Variants in DST observed in about 807,000 individuals in gnomAD.
DST encodes the protein bullous pemphigoid antigen.
In DST, 253 loss-of-function variants were observed where a neutral mutation model predicts 875.2. The ratio of observed to expected loss-of-function variants is 0.29; its 90% CI spans 0.26 to 0.32. The LOEUF is 0.32. Ranked by LOEUF, DST falls within the 10% of genes least tolerant of loss-of-function variation. DST has a pLI of 1.00. For missense variants in DST, 8,287 were observed against 9,111.6 expected, an observed-to-expected ratio of 0.91 and a Z score of 3.68; for synonymous variants, 3,124 against 3,197.1, an observed-to-expected ratio of 0.98 and a Z score of 0.77.
intron 9 of DST, among the ~76,000 whole-genome samples, chr6:56,676,623 T>A (rs1394664682): frequency 6.6e-6 from 1 of 151,690 alleles, no homozygotes. Flanking sequence ...GGAATCAATC[T>A]AGGTGTCCAT....
intron 2 of DST, among the ~76,000 whole-genome samples, chr6:56,903,908 A>C (rs958724581): frequency 6.6e-6 from 1 of 152,164 alleles, no homozygotes; most frequent in African/African-American, 2.4e-5. Context: ...ATTTATAAGC[A>C]CTGTGGTATA....
At chr6:56,657,912 C>T (rs2099018223) in intron 10 of DST, among the ~76,000 whole-genome samples, 1 of 151,136 alleles carries the variant, frequency 6.6e-6, no homozygotes, top group Non-Finnish European at 1.5e-5. Context: ...ATTACAGGCA[C>T]CTACCACCAT....
chr6:56,503,625 A>ACACC (rs901223739), intron 78 of DST, among the ~76,000 whole-genome samples: 1 of 151,046 alleles, frequency 6.6e-6, no homozygotes, highest in African/African-American at 2.4e-5. Flanking sequence ...ACACACACAC[A>ACACC]CACCCCATGT....
intron 10 of DST, 47 bp downstream of exon 10, chr6:56,670,594 A>C: frequency 8.3e-7 from 1 of 1,198,220 alleles, no homozygotes; most frequent in Non-Finnish European, 1.1e-6. Context: ...GAGATGAAAG[A>C]AATGTGTCTT....
At position 56,954,424 on chromosome 6, in the gene DST, C is replaced by A. The variant is rs1336298449; in HGVS notation, c.164G>T (p.Gly55Val). 1 of 1,367,160 alleles carries A rather than the reference C, an allele frequency of 7.3e-7. No individual in the cohort carries two copies. The highest frequency in any genetic ancestry group is 9.8e-7 in the Non-Finnish European group (1 of 1,021,674). The allele number at this position is 1,367,160 out of a possible 1,614,324, so 84.7% of individuals were successfully genotyped here. A position where few individuals can be genotyped will look rare whatever the true frequency, so the allele number is the denominator to read the frequency against. The change falls in exon 1 of 104, where the codon GGT (glycine) becomes GTT (valine). Residue 55 changes from glycine to valine, a missense_variant. Coordinates refer to ENST00000680361, the MANE Select transcript of DST (RefSeq NM_001374736.1). ...GRHPMKSVFSGRSRSRDAVLR... is the reference protein window; with the variant it reads ...GRHPMKSVFSVRSRSRDAVLR... Reference sequence around the variant, plus strand: ...TGTCTTACCTCGGCTTCTTGAACGACCCGAGAAGACCGATTTCATCGGATG... The same window carrying A: ...TGTCTTACCTCGGCTTCTTGAACGAACCGAGAAGACCGATTTCATCGGATG...
intron 50 of DST, 94 bp from the exon 51 acceptor site, chr6:56,573,981 C>A: frequency 8.0e-6 from 7 of 870,410 alleles, no homozygotes; most frequent in East Asian, 2.8e-5. Flanking sequence ...AATTTCCACA[C>A]AAAAAATTTA....
intron 44 of DST, among the ~76,000 whole-genome samples, chr6:56,600,901 T>A (rs1024907712): frequency 6.6e-6 from 1 of 152,104 alleles, no homozygotes; most frequent in Non-Finnish European, 1.5e-5. Context: ...GGCAAGGTAC[T>A]AAATGTTTTA....
chr6:56,808,099 T>C (rs2099755321), intron 4 of DST, among the ~76,000 whole-genome samples: 1 of 152,172 alleles, frequency 6.6e-6, no homozygotes. Context: ...GGAGTTTGTT[T>C]ACCTAGAAAG....
Position 56,459,087 on chromosome 6 carries a change from G to A in DST, c.23375C>T (p.Pro7792Leu). The change falls in exon 104 of 104, where the codon CCA becomes CTA. Residue 7792 changes from proline to leucine, a missense_variant. Pro to Leu is a moderately conservative substitution (Grantham distance 98). Around this residue, in one of 10 missense-constraint regions of DST, gnomAD observed 240 missense variants for 237.3 expected, o/e 1.01. Transcript: ENST00000680361. ...GATTTTTGAAGGCTTCGCTGTGGAT[G>A]GCCGAGAACCTGCTCGGGGTGTAGG... is the stretch of plus-strand genomic sequence containing the variant. ...HRPTPRAGSRPSTAKPSKIPT... is the reference protein window; with the variant it reads ...HRPTPRAGSRLSTAKPSKIPT... 1 of 1,614,002 alleles carries A rather than the reference G, an allele frequency of 6.2e-7. No individual in the cohort carries two copies. Among genetic ancestry groups the A allele is most frequent in the Non-Finnish European group, 8.5e-7 (1 of 1,179,882 alleles).
intron 13 of DST, among the ~76,000 whole-genome samples, chr6:56,647,711 A>C (rs2098951865): frequency 1.4e-5 from 2 of 143,370 alleles, no homozygotes; most frequent in Non-Finnish European, 3.0e-5. Context: ...TTTGAGACGG[A>C]GTCTTGCTCT....
intron 4 of DST, chr6:56,844,168 C>T (rs1367029200): frequency 6.6e-6 from 1 of 152,374 alleles, no homozygotes; most frequent in Non-Finnish European, 1.5e-5. Context: ...GCAAGGAGGG[C>T]ACGGGGGTCC....
chr6:56,839,725 C>A (rs1434548603), intron 4 of DST, among the ~76,000 whole-genome samples: 6 of 152,146 alleles, frequency 3.9e-5, no homozygotes. Flanking sequence ...TAAACCCGAA[C>A]TGAAAATGAA....
chr6:56,655,198 A>T (rs1207346350), intron 10 of DST, among the ~76,000 whole-genome samples: 4 of 151,346 alleles, frequency 2.6e-5, no homozygotes, highest in Admixed American at 2.6e-4. Context: ...AGCACAACAG[A>T]CCACTGAAGG....
chr6:56,674,918 A>G (rs894507219), intron 9 of DST, among the ~76,000 whole-genome samples: 1 of 152,210 alleles, frequency 6.6e-6, no homozygotes, highest in Non-Finnish European at 1.5e-5. Flanking sequence ...CAATCCTTCA[A>G]TTTGAATGGA....
In DST at chr6:56,886,764, GA is replaced by G. The variant is rs997804275; in HGVS notation, c.417+13656del. Among the ~76,000 whole-genome samples the G allele has an allele frequency of 3.7e-4, 42 of 113,138 alleles. 1 individual carries two copies. Among genetic ancestry groups the G allele is most frequent in the Non-Finnish European group, 3.4e-5 (2 of 58,478 alleles). The allele number at this position is 113,138 out of a possible 152,430, so 74.2% of individuals were successfully genotyped here. ...GCACTCCAGCCTAGGCAATGAGAGT[GA>G]AACTCAGTCTCAAAAAAAAAAAAAA... On this transcript the variant is annotated intron_variant, in intron 3 of 103. Coordinates refer to ENST00000680361, the MANE Select transcript of DST (RefSeq NM_001374736.1).
chr6:56,862,480 G>A (rs557169769), intron 3 of DST, among the ~76,000 whole-genome samples: 6 of 152,172 alleles, frequency 3.9e-5, no homozygotes, highest in Non-Finnish European at 5.9e-5. Flanking sequence ...CAGCAGAGGC[G>A]TCTGGAAAGC....
chr6:56,920,035 T>C (rs1803289076), intron 2 of DST, among the ~76,000 whole-genome samples: 1 of 152,196 alleles, frequency 6.6e-6, no homozygotes. Context: ...AGCAATTATA[T>C]AAACACATAA....
intron 4 of DST, among the ~76,000 whole-genome samples, chr6:56,812,311 A>C (rs980778191): frequency 6.6e-6 from 1 of 152,112 alleles, no homozygotes; most frequent in Non-Finnish European, 1.5e-5. Flanking sequence ...AATAAACTCA[A>C]ATGTTTTTCT....
rs2096618471 is a variant in DST at position 56,517,558 on chromosome 6, A to G, written c.18192T>C (p.Ser6064=). ...WITETEKKLM[S]LGDIRLEQDQ... ...CTTGCTCAAGCCTGATGTCACCCAG[A>G]GACATCAATTTTTTTTCTGTTTCAG... The change falls in exon 70 of 104, where the codon TCT becomes TCC. Residue 6064 remains serine, a synonymous_variant. Coordinates refer to ENST00000680361, the MANE Select transcript of DST (RefSeq NM_001374736.1). 1 of 1,613,106 alleles carries G rather than the reference A, an allele frequency of 6.2e-7. No individual in the cohort carries two copies. The highest frequency in any genetic ancestry group is 8.5e-7 in the Non-Finnish European group (1 of 1,179,460).
Sources: allele counts gnomAD v4.1 joint callset (sites outside exome capture counted in the v4.1 genomes callset), GRCh38; gene constraint gnomAD v4.1.1; regional missense constraint gnomAD v4.1.1; transcripts MANE v1.5; gene names NCBI Gene and HGNC (gene_info 2026-07-23, HGNC 2026-07-21).